The following CPED1 variants were observed in gnomAD, a reference collection of about 807,000 sequenced individuals.
CPED1 encodes cadherin-like and PC-esterase domain-containing protein 1.
In CPED1, 114 loss-of-function variants were observed where a neutral mutation model predicts 128.2. That is an observed-to-expected ratio of 0.89 (90% CI 0.76 to 1.04). The LOEUF (loss-of-function observed/expected upper bound fraction) is 1.04, where lower values mean the gene tolerates loss of function less well. Among genes scored for constraint, CPED1 ranks in the 50% least tolerant of loss-of-function variants. The pLI, the probability that CPED1 is intolerant of heterozygous loss-of-function variation, is 0.00. For synonymous variants in CPED1, 462 were observed against 426.7 expected (o/e 1.08, Z -1.02); for missense variants, 1,211 against 1,207.1 (o/e 1.00, Z -0.05).
At chr7:121,022,037 CT>C (rs1792453339) in intron 3 of CPED1, among the ~76,000 whole-genome samples, 1 of 151,726 alleles carries the variant, frequency 6.6e-6, no homozygotes, top group Non-Finnish European at 1.5e-5. Context: ...GGATTATTCC[CT>C]TGGAAAAATC....
chr7:121,060,522 C>A lies in CPED1; in HGVS notation c.541-3716C>A, dbSNP rs190580018. ...ACCAATCAGCACCCTGTGTCTAGCT[C>A]AGGGTTTGTGAATGCACCAGTCCAC... On this transcript the variant is annotated intron_variant, in intron 4 of 22. Transcript: ENST00000310396. Among the ~76,000 whole-genome samples the A allele has an allele frequency of 6.8e-3, 1,042 of 152,288 alleles. 12 individuals are homozygous for A. The highest frequency in any genetic ancestry group is 0.022 in the African/African-American group (927 of 41,560).
chr7:121,234,406 A>C (rs1161881027), intron 16 of CPED1, among the ~76,000 whole-genome samples: 1 of 152,080 alleles, frequency 6.6e-6, no homozygotes, highest in African/African-American at 2.4e-5. Flanking sequence ...ACAACATCTC[A>C]GTCTGAAGTA....
At chr7:121,204,676 C>T (rs1408217991) in intron 16 of CPED1, among the ~76,000 whole-genome samples, 1 of 152,080 alleles carries the variant, frequency 6.6e-6, no homozygotes, top group Non-Finnish European at 1.5e-5. Flanking sequence ...CCCCTGGATA[C>T]AATACTAGTT....
At chr7:121,076,161 T>A (rs769611600) in intron 5 of CPED1, among the ~76,000 whole-genome samples, 16 of 152,304 alleles carry the variant, frequency 1.1e-4, no homozygotes, top group Non-Finnish European at 1.9e-4. Flanking sequence ...CTGCCAATTA[T>A]CAGAGAGTTT....
chr7:121,056,980 T>C (rs1352856126), intron 4 of CPED1, among the ~76,000 whole-genome samples: 1 of 54,528 alleles, frequency 1.8e-5, no homozygotes, highest in East Asian at 5.1e-4. Flanking sequence ...CTATTTTTTC[T>C]TTTTTCTTTT....
chr7:121,039,122 C>T (rs957169064), intron 3 of CPED1, among the ~76,000 whole-genome samples: 1 of 152,026 alleles, frequency 6.6e-6, no homozygotes, highest in Non-Finnish European at 1.5e-5. Context: ...AGCTACGTAA[C>T]TGTTTTGGAA....
chr7:121,058,118 G>A (rs1029490147), intron 4 of CPED1, among the ~76,000 whole-genome samples: 2 of 152,114 alleles, frequency 1.3e-5, no homozygotes, highest in Admixed American at 6.5e-5. Flanking sequence ...AATGTAGTAG[G>A]TGGTGAGGGC....
chr7:121,184,881 G>A (rs1161107818), intron 16 of CPED1, among the ~76,000 whole-genome samples: 1 of 152,100 alleles, frequency 6.6e-6, no homozygotes, highest in Non-Finnish European at 1.5e-5. Context: ...ATATTGGATT[G>A]ACTATATACT....
At chr7:121,228,583 T>C (rs1798068415) in intron 16 of CPED1, among the ~76,000 whole-genome samples, 1 of 15,804 alleles carries the variant, frequency 6.3e-5, no homozygotes, top group African/African-American at 1.7e-4. Context: ...TATGGAGATT[T>C]CTCAAAAAAA....
intron 3 of CPED1, among the ~76,000 whole-genome samples, chr7:121,026,854 A>C (rs1792603667): frequency 8.4e-6 from 1 of 119,466 alleles, no homozygotes; most frequent in Non-Finnish European, 1.7e-5. Flanking sequence ...TTTTTTTGAG[A>C]CAATCTGGCT....
At chr7:121,010,952 A>G (rs1176823070) in intron 2 of CPED1, among the ~76,000 whole-genome samples, 1 of 152,192 alleles carries the variant, frequency 6.6e-6, no homozygotes, top group African/African-American at 2.4e-5. Context: ...TACATTCCCT[A>G]AAATAAGAGT....
chr7:121,140,961 G>A lies in CPED1; in HGVS notation c.1834G>A (p.Glu612Lys). The change falls in exon 15 of 23, where the codon GAA (glutamate) becomes AAA (lysine). Residue 612 changes from glutamate (E) to lysine (K), a missense_variant. Coordinates refer to ENST00000310396, the MANE Select transcript of CPED1 (RefSeq NM_024913.5). The stretch of plus-strand genomic sequence containing the variant: ...TGTGGTAACAGTGACAATTGGAGTG[G>A]AAACTCCTAAGTGTCTGTGCAAGGT... ...FDVVTVTIGV[E>K]TPKCLCKVHL... 3 of 1,612,616 alleles carry A rather than the reference G, an allele frequency of 1.9e-6. No individual in the cohort carries two copies. The highest frequency in any genetic ancestry group is 2.5e-6 in the Non-Finnish European group (3 of 1,179,166).
At chr7:121,088,780 A>T (rs888324263) in intron 5 of CPED1, among the ~76,000 whole-genome samples, 4 of 149,264 alleles carry the variant, frequency 2.7e-5, no homozygotes, top group Non-Finnish European at 5.9e-5. Context: ...AAAAAAAAAA[A>T]AAAAAAAAAA....
intron 7 of CPED1, among the ~76,000 whole-genome samples, chr7:121,106,936 C>T (rs1260369236): frequency 6.6e-6 from 1 of 152,050 alleles, no homozygotes; most frequent in East Asian, 1.9e-4. Context: ...AAAACCAAGC[C>T]TGGGAAAAGA....
At chr7:121,119,552 G>A (rs1296405) in intron 7 of CPED1, among the ~76,000 whole-genome samples, 51,786 of 150,308 alleles carry the variant, frequency 0.34, 9,237 homozygotes, top group Middle Eastern at 0.5. Context: ...TTGGCCGGGC[G>A]CGGTGGCTCA....
chr7:121,160,660 C>G (rs184869715), intron 16 of CPED1, among the ~76,000 whole-genome samples: 3 of 152,096 alleles, frequency 2.0e-5, no homozygotes, highest in African/African-American at 7.2e-5. Context: ...TGGTAAGGTT[C>G]GCCAGGCTAA....
intron 22 of CPED1, among the ~76,000 whole-genome samples, chr7:121,289,394 TA>T (rs1792646125): frequency 6.6e-6 from 1 of 152,198 alleles, no homozygotes; most frequent in South Asian, 2.1e-4. Flanking sequence ...AGCCCAAAGT[TA>T]CAAGAATACA....
At chr7:121,158,687 G>T (rs542425499) in intron 16 of CPED1, among the ~76,000 whole-genome samples, 1 of 151,640 alleles carries the variant, frequency 6.6e-6, no homozygotes, top group East Asian at 1.9e-4. Flanking sequence ...ATTAGAATCT[G>T]TCACTGCAGG....
chr7:121,261,736 C>T, intron 18 of CPED1: 1 of 1,588,520 alleles, frequency 6.3e-7, no homozygotes, highest in South Asian at 1.1e-5. Flanking sequence ...GCACATAAAC[C>T]TGACTTGAAT....
Sources: allele counts gnomAD v4.1 joint callset (sites outside exome capture counted in the v4.1 genomes callset), GRCh38; gene constraint gnomAD v4.1.1; transcripts MANE v1.5; gene names NCBI Gene and HGNC (gene_info 2026-07-23, HGNC 2026-07-21).